The following FOXP1 variants were observed in gnomAD, a reference collection of about 807,000 sequenced individuals.
FOXP1 encodes forkhead box protein P1.
FOXP1 carries 15 observed loss-of-function variants against 98.2 expected under a neutral mutation model. The ratio of observed to expected loss-of-function variants is 0.15; its 90% CI spans 0.10 to 0.24. The LOEUF (loss-of-function observed/expected upper bound fraction) is 0.24, where lower values mean the gene tolerates loss of function less well. Ranked by LOEUF, FOXP1 falls within the 10% of genes least tolerant of loss-of-function variation. FOXP1 has a pLI of 1.00. For synonymous variants in FOXP1, 371 were observed against 314.5 expected (o/e 1.18, Z -1.90); for missense variants, 633 against 848.5 (o/e 0.75, Z 3.15).
chr3:71,066,091 C>CAAAAAAAAAAAAAAAAAAA (rs34279433), intron 7 of FOXP1, among the ~76,000 whole-genome samples: 1 of 104,998 alleles, frequency 9.5e-6, no homozygotes, highest in Non-Finnish European at 2.0e-5. Context: ...TATTTGCCTT[C>CAAAAAAAAAAAAAAAAAAA]AAAAAAAAAA....
intron 11 of FOXP1, among the ~76,000 whole-genome samples, chr3:71,028,094 A>G (rs1559757770): frequency 1.3e-5 from 2 of 152,218 alleles, no homozygotes; most frequent in Non-Finnish European, 2.9e-5. Context: ...CAAAAAATCT[A>G]GGAAGACAAA....
intron 16 of FOXP1, 93 bp from the exon 17 acceptor site, chr3:70,977,135 C>G: frequency 1.1e-6 from 1 of 870,280 alleles, no homozygotes; most frequent in Non-Finnish European, 1.9e-6. Context: ...CACTGTGATT[C>G]AGAGCTAAAT....
intron 3 of FOXP1, among the ~76,000 whole-genome samples, chr3:71,382,839 C>G (rs1412789794): frequency 6.6e-6 from 1 of 152,206 alleles, no homozygotes; most frequent in African/African-American, 2.4e-5. Flanking sequence ...ATCTTCTAAT[C>G]CTTTGACGGC....
At position 70,971,928 on chromosome 3, in the gene FOXP1, T is replaced by A. The variant is rs1045839986; in HGVS notation, c.1652+627A>T. The A allele has an allele frequency of 5.1e-6, 6 of 1,172,436 alleles. No homozygotes were observed. The Admixed American group carries it at 1.1e-4, about 21-fold the overall frequency. 72.6% of individuals were successfully genotyped at this position (1,172,436 alleles called of 1,614,324 possible). On this transcript the variant is annotated intron_variant, in intron 18 of 20. Transcript: ENST00000649528. Reference sequence around the variant, plus strand: ...AGCTGTGGCACTGCTATTGGTGAAATGCAAAACTACATGGGATGAGTCAAC... The same window carrying A: ...AGCTGTGGCACTGCTATTGGTGAAAAGCAAAACTACATGGGATGAGTCAAC...
At chr3:71,534,291 G>C (rs577501992) in intron 2 of FOXP1, among the ~76,000 whole-genome samples, 68 of 152,242 alleles carry the variant, frequency 4.5e-4, no homozygotes, top group African/African-American at 9.1e-4. Context: ...TGGACCTGGG[G>C]GGGTGGAGGT....
rs5849995 is a variant in FOXP1 at position 71,174,785 on chromosome 3, T to TAAAC, written c.180+23416_180+23417insGTTT. Among the ~76,000 whole-genome samples, 17 of 131,758 alleles carry TAAAC rather than the reference T, an allele frequency of 1.3e-4. No individual in the cohort carries two copies. In the South Asian group the frequency reaches 4.4e-3, roughly 34 times the overall value. The allele number at this position is 131,758 out of a possible 152,430, so 86.4% of individuals were successfully genotyped here. A position where few individuals can be genotyped will look rare whatever the true frequency, so the allele number is the denominator to read the frequency against. The stretch of plus-strand genomic sequence containing the variant: ...CGAATACACAATGTATGCACATGCA[T>TAAAC]ACACACACACACACACACACACACA... On this transcript the variant is annotated intron_variant, in intron 6 of 20. Transcript: ENST00000649528.
chr3:70,978,210 G>A (rs1239077599), intron 14 of FOXP1, among the ~76,000 whole-genome samples, 181 bp from the exon 15 acceptor site: 1 of 152,200 alleles, frequency 6.6e-6, no homozygotes, highest in East Asian at 1.9e-4. Context: ...AGGATGCAGT[G>A]TAAGATATCT....
At chr3:71,440,290 G>A (rs769214439) in intron 3 of FOXP1, among the ~76,000 whole-genome samples, 5 of 152,080 alleles carry the variant, frequency 3.3e-5, no homozygotes, top group Non-Finnish European at 7.4e-5. Flanking sequence ...ACAAGTCCAG[G>A]TGCAGTGGTT....
chr3:71,129,008 G>A (rs1242350663), intron 6 of FOXP1, among the ~76,000 whole-genome samples: 3 of 151,946 alleles, frequency 2.0e-5, no homozygotes, highest in Non-Finnish European at 4.4e-5. Flanking sequence ...ACAGAACTTG[G>A]TCACATGTTT....
chr3:71,389,258 G>GGGGGGGGGGGT (rs2080855398), intron 3 of FOXP1, among the ~76,000 whole-genome samples: 1 of 100,816 alleles, frequency 9.9e-6, no homozygotes, highest in African/African-American at 3.8e-5. Flanking sequence ...GGGGGCCGGG[G>GGGGGGGGGGGT]GGGGCGGGTT....
chr3:71,095,083 C>T (rs1230847171), intron 7 of FOXP1, among the ~76,000 whole-genome samples: 1 of 152,222 alleles, frequency 6.6e-6, no homozygotes, highest in East Asian at 1.9e-4. Flanking sequence ...CAAAGCCAGC[C>T]TTAGAAATAG....
chr3:71,472,499 C>T (rs1195155502), intron 3 of FOXP1, among the ~76,000 whole-genome samples: 3 of 151,182 alleles, frequency 2.0e-5, no homozygotes, highest in Non-Finnish European at 2.9e-5. Context: ...TTTTGGGTGT[C>T]GGTTCCACTT....
At chr3:71,560,147 G>T (rs1397755625) in intron 2 of FOXP1, among the ~76,000 whole-genome samples, 1 of 152,134 alleles carries the variant, frequency 6.6e-6, no homozygotes, top group African/African-American at 2.4e-5. Flanking sequence ...TCAGTTACGT[G>T]AGTCACTAAA....
chr3:71,043,281 T>A (rs1224676944), intron 10 of FOXP1, among the ~76,000 whole-genome samples: 1 of 152,218 alleles, frequency 6.6e-6, no homozygotes, highest in Non-Finnish European at 1.5e-5. Context: ...TATATTTTGA[T>A]GGATTTTGTC....
At chr3:71,356,045 C>T (rs866538633) in intron 4 of FOXP1, among the ~76,000 whole-genome samples, 12 of 151,790 alleles carry the variant, frequency 7.9e-5, no homozygotes, top group African/African-American at 1.9e-4. Context: ...CCTGCTTTGC[C>T]GAGTCAGCAC....
chr3:71,217,789 G>T (rs1463667805), intron 5 of FOXP1, among the ~76,000 whole-genome samples: 1 of 152,156 alleles, frequency 6.6e-6, no homozygotes, highest in Non-Finnish European at 1.5e-5. Flanking sequence ...CAGAGAGAAT[G>T]AGGGACAAAT....
chr3:71,039,122 T>A (rs1341807743), intron 11 of FOXP1, among the ~76,000 whole-genome samples: 1 of 152,020 alleles, frequency 6.6e-6, no homozygotes, highest in Non-Finnish European at 1.5e-5. Flanking sequence ...TAATACAAAC[T>A]GAGAGATTCA....
At chr3:71,286,322 G>A (rs961272006) in intron 5 of FOXP1, among the ~76,000 whole-genome samples, 5 of 47,926 alleles carry the variant, frequency 1.0e-4, no homozygotes, top group Admixed American at 5.9e-4. Flanking sequence ...CCCCCGCCCC[G>A]CCCGCCAGCA....
At chr3:70,962,935 A>C (rs2033894518) in intron 20 of FOXP1, among the ~76,000 whole-genome samples, 1 of 152,244 alleles carries the variant, frequency 6.6e-6, no homozygotes, top group South Asian at 2.1e-4. Flanking sequence ...AACACAGTTC[A>C]CAACATCAGA....
Sources: allele counts gnomAD v4.1 joint callset (sites outside exome capture counted in the v4.1 genomes callset), GRCh38; gene constraint gnomAD v4.1.1; transcripts MANE v1.5; gene names NCBI Gene and HGNC (gene_info 2026-07-23, HGNC 2026-07-21).